HMCN1: variants seen among roughly 807,000 people sequenced by gnomAD.
HMCN1 encodes the protein hemicentin-1.
In HMCN1, 321 loss-of-function variants were observed where a neutral mutation model predicts 625.9. The observed-to-expected ratio is 0.51, with a 90% CI of 0.47 to 0.56. HMCN1 has a LOEUF of 0.56. HMCN1 is among the 20% of genes least tolerant of loss of function. The pLI is 0.00. For synonymous variants in HMCN1, 2,425 were observed against 2,417.6 expected (o/e 1.00, Z -0.09); for missense variants, 6,588 against 6,887.3 (o/e 0.96, Z 1.54).
At chr1:186,060,587 C>T (rs1008875768) in intron 46 of HMCN1, among the ~76,000 whole-genome samples, 2 of 152,028 alleles carry the variant, frequency 1.3e-5, no homozygotes, top group African/African-American at 4.8e-5. Flanking sequence ...TTTCTTCAAA[C>T]AAAATGTTAC....
rs775634198 is a variant in HMCN1, at chr1:186,153,757, C to G, written c.15026C>G (p.Thr5009Arg). The G allele has an allele frequency of 6.2e-7, 1 of 1,613,722 alleles. No homozygotes were observed. Among genetic ancestry groups the G allele is most frequent in the Non-Finnish European group, 8.5e-7 (1 of 1,179,646 alleles). The change falls in exon 97 of 107, where the codon ACA (threonine) becomes AGA (arginine). Residue 5009 changes from threonine to arginine, a missense_variant. Coordinates refer to ENST00000271588, the MANE Select transcript of HMCN1 (RefSeq NM_031935.3). ...CCACATTGTTCTCCTTAGGATTACA[C>G]AGAGGACTACATTCAAACAGGTCCT... The part of the protein sequence containing the change: ...SPAEVTVKDY[T>R]EDYIQTGPGQ...
chr1:186,109,430 G>A (rs1349702976), intron 71 of HMCN1, among the ~76,000 whole-genome samples: 1 of 152,082 alleles, frequency 6.6e-6, no homozygotes, highest in Non-Finnish European at 1.5e-5. Flanking sequence ...TATTTATTGT[G>A]TGCCTACTAG....
chr1:185,803,789 G>A (rs73070580), intron 1 of HMCN1, among the ~76,000 whole-genome samples: 4,660 of 152,076 alleles, frequency 0.031, 255 homozygotes, highest in African/African-American at 0.11. Flanking sequence ...ATTTAGGTAA[G>A]CCAACCCTTC....
chr1:186,053,823 A>G lies in HMCN1; in HGVS notation c.6701-2A>G. The G allele has an allele frequency of 6.2e-7, 1 of 1,612,396 alleles. No homozygotes were observed. Among genetic ancestry groups the G allele is most frequent in the Non-Finnish European group, 8.5e-7 (1 of 1,178,990 alleles). ...TATTCTGCCATTTGGACTTCTTTGTAGGCTCTCCAGTGCTGACTGATTCCA... is the reference window on the plus strand; with the variant it reads ...TATTCTGCCATTTGGACTTCTTTGTGGGCTCTCCAGTGCTGACTGATTCCA... On this transcript the variant is annotated splice_acceptor_variant, in intron 43 of 106. Transcript: ENST00000271588. LOFTEE classifies it high-confidence loss of function.
intron 93 of HMCN1, among the ~76,000 whole-genome samples, chr1:186,149,836 G>C (rs866273139): frequency 1.1e-4 from 17 of 152,152 alleles, no homozygotes; most frequent in African/African-American, 3.9e-4. Context: ...GGCTCGAGGA[G>C]AGGAAGAGAG....
At chr1:185,848,352 C>T (rs1476321825) in intron 2 of HMCN1, among the ~76,000 whole-genome samples, 2 of 152,122 alleles carry the variant, frequency 1.3e-5, no homozygotes, top group African/African-American at 4.8e-5. Context: ...ACATTGGACT[C>T]TCCCTCCTGC....
chr1:185,770,587 C>G (rs752802183), intron 1 of HMCN1, among the ~76,000 whole-genome samples: 9 of 152,094 alleles, frequency 5.9e-5, no homozygotes, highest in Non-Finnish European at 1.2e-4. Flanking sequence ...TCTGAGAAAC[C>G]TGATCTTTTT....
chr1:186,087,037 G>A (rs575214623), intron 58 of HMCN1, among the ~76,000 whole-genome samples, 180 bp from the exon 59 acceptor site: 179 of 152,066 alleles, frequency 1.2e-3, no homozygotes, highest in African/African-American at 4.2e-3. Flanking sequence ...TAAGGAACTA[G>A]GTGAATAATA....
At chr1:186,100,987 C>T (rs1218245572) in intron 68 of HMCN1, among the ~76,000 whole-genome samples, 1 of 152,096 alleles carries the variant, frequency 6.6e-6, no homozygotes, top group Non-Finnish European at 1.5e-5. Flanking sequence ...CACAAAACCA[C>T]ATCCACCTAC....
intron 89 of HMCN1, among the ~76,000 whole-genome samples, 161 bp downstream of exon 89, chr1:186,138,133 A>G (rs1649735035): frequency 1.3e-5 from 2 of 152,170 alleles, no homozygotes; most frequent in South Asian, 2.1e-4. Context: ...TTTCATGGAT[A>G]AACTTGTAAA....
chr1:186,137,742 C>T (rs1175653601), intron 88 of HMCN1, 60 bp from the exon 89 acceptor site: 1 of 1,613,570 alleles, frequency 6.2e-7, no homozygotes, highest in Admixed American at 1.7e-5. Flanking sequence ...ATGGATTGCC[C>T]CAGTGTAAGT....
intron 52 of HMCN1, 56 bp from the exon 53 acceptor site, chr1:186,074,685 C>G (rs1658693949): frequency 6.6e-7 from 1 of 1,506,340 alleles, no homozygotes; most frequent in African/African-American, 1.4e-5. Context: ...ACTGCATGGC[C>G]TCTTAGAGGA....
At position 185,734,907 on chromosome 1, in the gene HMCN1, C is replaced by A; in HGVS notation, c.128C>A (p.Ala43Asp). 1 of 1,614,126 alleles carries A rather than the reference C, an allele frequency of 6.2e-7. No homozygotes were observed. Among genetic ancestry groups the A allele is most frequent in the Non-Finnish European group, 8.5e-7 (1 of 1,180,022 alleles). Residue 43 changes from alanine to aspartate, a missense_variant, in exon 1 of 107, where the codon GCT becomes GAT. Coordinates refer to ENST00000271588, the MANE Select transcript of HMCN1 (RefSeq NM_031935.3). ...EEIPEGASTL[A>D]FVFDVTGSMY... ...ATTCCCGAGGGGGCCTCCACGTTGG[C>A]TTTTGTGTTTGATGTGACTGGTTCT...
chr1:185,807,517 A>G (rs545147464), intron 1 of HMCN1, among the ~76,000 whole-genome samples: 59 of 152,352 alleles, frequency 3.9e-4, no homozygotes, highest in African/African-American at 1.4e-3. Flanking sequence ...ACACATAAAC[A>G]TGCACATATT....
chr1:186,120,224 G>A (rs1661337185), intron 80 of HMCN1, 79 bp downstream of exon 80: 13 of 1,467,476 alleles, frequency 8.9e-6, no homozygotes, highest in African/African-American at 1.4e-5. Flanking sequence ...TATCTAAAAT[G>A]ATTATGCTGC....
intron 10 of HMCN1, among the ~76,000 whole-genome samples, chr1:185,929,169 A>T (rs1165397231): frequency 6.6e-6 from 1 of 152,190 alleles, no homozygotes; most frequent in Non-Finnish European, 1.5e-5. Context: ...TTCCATATTC[A>T]TAATGAGCAG....
intron 1 of HMCN1, among the ~76,000 whole-genome samples, chr1:185,736,484 A>G (rs1230515363): frequency 6.6e-6 from 1 of 152,176 alleles, no homozygotes; most frequent in Admixed American, 6.5e-5. Flanking sequence ...TACCTTGAGT[A>G]TGTTTCTTCT....
intron 11 of HMCN1, among the ~76,000 whole-genome samples, chr1:185,937,921 TAGTA>T (rs1327072224): frequency 6.8e-6 from 1 of 147,390 alleles, no homozygotes; most frequent in Non-Finnish European, 1.5e-5. Flanking sequence ...ATAATAATAA[TAGTA>T]ATAATAATAA....
Position 185,880,597 on chromosome 1 carries a change from C to T in HMCN1, c.621+14734C>T, listed in dbSNP as rs1292378876. On this transcript the variant is annotated intron_variant, in intron 4 of 106. Coordinates refer to ENST00000271588, the MANE Select transcript of HMCN1 (RefSeq NM_031935.3). ...ATCATGTTGTATAATAATAACAATG[C>T]ATTTGCTGTTCCAGGCTGTAAACTC... Among the ~76,000 whole-genome samples the T allele has an allele frequency of 2.6e-5, 4 of 152,194 alleles. No individual in the cohort carries two copies. In the East Asian group the frequency reaches 7.7e-4, roughly 29 times the overall value.
Sources: gnomAD v4.1 joint callset for allele counts (sites outside exome capture counted in the v4.1 genomes callset) on GRCh38, gnomAD v4.1.1 for gene constraint, MANE v1.5 for transcripts, NCBI Gene and HGNC (gene_info 2026-07-23, HGNC 2026-07-21) for gene names.